RASGRP2: variants seen among roughly 807,000 people sequenced by gnomAD.
RASGRP2 encodes the protein RAS guanyl-releasing protein 2.
Under a neutral mutation model 71.0 loss-of-function variants are expected in RASGRP2, and 44 were observed. That is an observed-to-expected ratio of 0.62 (90% CI 0.49 to 0.80). The LOEUF is 0.80. Ranked by LOEUF, RASGRP2 falls within the 30% of genes least tolerant of loss-of-function variation. RASGRP2 has a pLI of 0.00. For synonymous variants in RASGRP2, 350 were observed against 330.7 expected (o/e 1.06, Z -0.63); for missense variants, 663 against 813.4 (o/e 0.82, Z 2.25).
At chr11:64,729,116 GC>G in intron 14 of RASGRP2, 74 bp from the exon 15 acceptor site, 3 of 1,427,364 alleles carry the variant, frequency 2.1e-6, no homozygotes, top group Non-Finnish European at 1.9e-6. Flanking sequence ...GCAGGCTTGT[GC>G]CCCCCTACCA....
chr11:64,734,797 T>C (rs1434072718), intron 12 of RASGRP2, among the ~76,000 whole-genome samples: 1 of 152,142 alleles, frequency 6.6e-6, no homozygotes, highest in African/African-American at 2.4e-5. Flanking sequence ...ATCCAGGAGC[T>C]CAAGTTGCCC....
At position 64,742,916 on chromosome 11, in the gene RASGRP2, C is replaced by T; in HGVS notation, c.-50G>A. The T allele has an allele frequency of 1.9e-6, 3 of 1,544,564 alleles. No homozygotes were observed. Among genetic ancestry groups the T allele is most frequent in the Middle Eastern group, 1.9e-4 (1 of 5,282 alleles). On this transcript the variant is annotated 5_prime_UTR_variant, in exon 2 of 17. Transcript: ENST00000394432. This position sits in a 1 kb window ranked among gnomAD's most constrained non-coding sequence, Gnocchi z 4.7. ...GCCCAGGCTGCGCTCCGGGAGCCTC[C>T]CACCGGGCTCGGACCGAACCCCTGT...
At chr11:64,741,188 A>G (rs1421576187) in intron 4 of RASGRP2, 109 bp from the exon 5 acceptor site, 2 of 1,390,980 alleles carry the variant, frequency 1.4e-6, no homozygotes, top group Non-Finnish European at 2.0e-6. Context: ...CCCTCAAACT[A>G]TGGTTCCAGC....
rs2135781012 is a variant in RASGRP2, at chr11:64,739,588, A to C, written c.696+48T>G. On this transcript the variant is annotated intron_variant, in intron 7 of 16. Coordinates refer to ENST00000394432, the MANE Select transcript of RASGRP2 (RefSeq NM_001098671.2). The surrounding 1 kb of genome is among the most constrained non-coding windows in gnomAD (Gnocchi z 4.2). ...TTAGGGGAAGGGAAGGGTTGGCCTGACTGGCATGTGGGGTGGTTGGGAGAC... is the reference window on the plus strand; with the variant it reads ...TTAGGGGAAGGGAAGGGTTGGCCTGCCTGGCATGTGGGGTGGTTGGGAGAC... The C allele has an allele frequency of 3.7e-6, 6 of 1,612,882 alleles. No homozygotes were observed. The highest frequency in any genetic ancestry group is 5.1e-6 in the Non-Finnish European group (6 of 1,179,074).
chr11:64,729,347 T>TA (rs1470900668), intron 14 of RASGRP2, among the ~76,000 whole-genome samples: 3 of 150,408 alleles, frequency 2.0e-5, no homozygotes, highest in African/African-American at 7.4e-5. Context: ...TTTTGTTGTT[T>TA]TTTTTTTTGA....
chr11:64,739,410 T>C lies in RASGRP2; in HGVS notation c.763A>G (p.Ile255Val), dbSNP rs1479188900. Residue 255 changes from isoleucine (I) to valine (V), a missense_variant, in exon 8 of 17, where the codon ATC (isoleucine) becomes GTC (valine). Coordinates refer to ENST00000394432, the MANE Select transcript of RASGRP2 (RefSeq NM_001098671.2). The surrounding 1 kb of genome is among the most constrained non-coding windows in gnomAD (Gnocchi z 4.2). Reference sequence around the variant, plus strand: ...CTGTGGGTCTCCTTGAGGCGGGAGATGGAGCTGTGGCTCAGGCCCCCGACC... The same window carrying C: ...CTGTGGGTCTCCTTGAGGCGGGAGACGGAGCTGTGGCTCAGGCCCCCGACC... ...AVVGGLSHSS[I>V]SRLKETHSHV... 1 of 1,614,128 alleles carries C rather than the reference T, an allele frequency of 6.2e-7. No homozygotes were observed. The highest frequency in any genetic ancestry group is 1.3e-5 in the African/African-American group (1 of 75,022).
rs1190492103 is a variant in RASGRP2, at chr11:64,739,283, C to T, written c.813+77G>A. ...TATCTATCAAATGAGGACAGCTGTG[C>T]CCAGCCCCCAGTGCTGCTGGGAGGA... On this transcript the variant is annotated intron_variant, in intron 8 of 16. Transcript: ENST00000394432. This position sits in a 1 kb window ranked among gnomAD's most constrained non-coding sequence, Gnocchi z 4.2. The T allele has an allele frequency of 5.3e-6, 6 of 1,127,720 alleles. No homozygotes were observed. The highest frequency in any genetic ancestry group is 2.3e-5 in the East Asian group (1 of 42,598). 69.9% of individuals were successfully genotyped at this position (1,127,720 alleles called of 1,614,324 possible).
Position 64,735,284 on chromosome 11 carries a change from A to G in RASGRP2, c.1297-57T>C. 7.0e-7 allele frequency: 1 copy of G among 1,430,952 alleles called. No homozygotes were observed. Among genetic ancestry groups the G allele is most frequent in the Non-Finnish European group, 9.8e-7 (1 of 1,015,512 alleles). The allele number at this position is 1,430,952 out of a possible 1,614,324, so 88.6% of individuals were successfully genotyped here. ...AAGAGGGGAGAGTAAAGGGGACATC[A>G]GGTCCTGTCCCTTCCCACGTTCCCA... On this transcript the variant is annotated intron_variant, in intron 11 of 16. Transcript: ENST00000394432. The surrounding 1 kb of genome is among the most constrained non-coding windows in gnomAD (Gnocchi z 4.2).
Position 64,736,778 on chromosome 11 carries a change from T to C in RASGRP2, c.1070A>G (p.Asn357Ser). 3 of 1,599,136 alleles carry C rather than the reference T, an allele frequency of 1.9e-6. No homozygotes were observed. The highest frequency in any genetic ancestry group is 2.6e-6 in the Non-Finnish European group (3 of 1,173,658). ...CGTGAGCAGGCTCAGCAGGTCGGGG[T>C]TGGCCTGTACTGGTGGCCGCAGGCT... ...VTSLRPPVQA[N>S]PDLLSLLTVS... Residue 357 changes from asparagine (N) to serine (S), a missense_variant, in exon 9 of 17, where the codon AAC becomes AGC. Transcript: ENST00000394432.
chr11:64,735,690 AG>A lies in RASGRP2; in HGVS notation c.1174-27del. The A allele has an allele frequency of 6.3e-7, 1 of 1,598,704 alleles. No homozygotes were observed. ...CTATGGAAATGGTCGGGCCTGAGCT[AG>A]GGCCAGAGGCAGGGGAAGCCCAGAG... On this transcript the variant is annotated intron_variant, in intron 10 of 16. Transcript: ENST00000394432. This position sits in a 1 kb window ranked among gnomAD's most constrained non-coding sequence, Gnocchi z 4.2.
At chr11:64,737,864 G>T (rs565825456) in intron 8 of RASGRP2, among the ~76,000 whole-genome samples, 1 of 151,556 alleles carries the variant, frequency 6.6e-6, no homozygotes, top group Admixed American at 6.6e-5. Flanking sequence ...GACCAGCCTC[G>T]GCAACATGGT....
At chr11:64,737,197 T>G in intron 8 of RASGRP2, 163 bp from the exon 9 acceptor site, 1 of 794,566 alleles carries the variant, frequency 1.3e-6, no homozygotes, top group Admixed American at 2.3e-5. Flanking sequence ...CCCTGGGGAT[T>G]GAATTCATTG....
upstream of RASGRP2, chr11:64,745,083 G>C (rs1172675959): frequency 1.3e-5 from 2 of 151,716 alleles, no homozygotes; most frequent in Non-Finnish European, 2.9e-5. Context: ...GCGGGCGACC[G>C]GAGGCCCCGC....
At chr11:64,733,159 A>G (rs1198894176) in intron 12 of RASGRP2, among the ~76,000 whole-genome samples, 1 of 152,080 alleles carries the variant, frequency 6.6e-6, no homozygotes. Context: ...AAAAGAAAAA[A>G]GAAAAAAGAG....
At chr11:64,737,874 T>G (rs937885013) in intron 8 of RASGRP2, among the ~76,000 whole-genome samples, 2 of 151,054 alleles carry the variant, frequency 1.3e-5, no homozygotes, top group African/African-American at 2.4e-5. Flanking sequence ...GGCAACATGG[T>G]GAAAGCCTGT....
In RASGRP2 at chr11:64,742,209, TGCAC is replaced by T; in HGVS notation, c.74-101_74-98del. On this transcript the variant is annotated intron_variant, in intron 2 of 16. Coordinates refer to ENST00000394432, the MANE Select transcript of RASGRP2 (RefSeq NM_001098671.2). This position sits in a 1 kb window ranked among gnomAD's most constrained non-coding sequence, Gnocchi z 4.7. ...ACCCGCCAGGTATCGGTCCTTCGGG[TGCAC>T]GCTCGACCCCGCCCACCTCCTGCTT... The T allele has an allele frequency of 1.1e-6, 1 of 946,498 alleles. No homozygotes were observed. The highest frequency in any genetic ancestry group is 1.7e-6 in the Non-Finnish European group (1 of 596,754). 58.6% of individuals were successfully genotyped at this position (946,498 alleles called of 1,614,324 possible). A position where few individuals can be genotyped will look rare whatever the true frequency, so the allele number is the denominator to read the frequency against.
In RASGRP2 at chr11:64,743,691, G is replaced by A; in HGVS notation, c.-72+312C>T. On this transcript the variant is annotated intron_variant, in intron 1 of 16. Transcript: ENST00000394432. This position sits in a 1 kb window ranked among gnomAD's most constrained non-coding sequence, Gnocchi z 4.9. The stretch of plus-strand genomic sequence containing the variant: ...TCCCCGGCTCCTGACCCTGGCCCCG[G>A]CCCCGCACAGGCGAACTGTGAGCGC... 2.6e-6 allele frequency: 1 copy of A among 382,058 alleles called. No homozygotes were observed. Among genetic ancestry groups the A allele is most frequent in the Admixed American group, 3.5e-5 (1 of 28,398 alleles). The allele number at this position is 382,058 out of a possible 1,614,324, so 23.7% of individuals were successfully genotyped here.
chr11:64,741,122 A>G (rs1271779399), intron 4 of RASGRP2, 43 bp from the exon 5 acceptor site: 2 of 1,605,368 alleles, frequency 1.2e-6, no homozygotes, highest in Non-Finnish European at 1.7e-6. Context: ...TTCCCCCACC[A>G]TCACCCAGCA....
chr11:64,735,592 G>A lies in RASGRP2; in HGVS notation c.1246C>T (p.Pro416Ser), dbSNP rs147974963. The A allele has an allele frequency of 1.9e-6, 3 of 1,614,016 alleles. No homozygotes were observed. In the African/African-American group the frequency reaches 4.0e-5, roughly 22 times the overall value. The part of the protein sequence containing the change: ...VLEEWTSAAK[P>S]KLDQALVVEH... ...ACCACGAGGGCCTGATCCAGCTTGG[G>A]TTTGGCAGCCGAGGTCCACTCCTCC... The change falls in exon 11 of 17, where the codon CCC (proline) becomes TCC (serine). Residue 416 changes from proline (P) to serine (S), a missense_variant. Pro to Ser is a moderately conservative substitution (Grantham distance 74). Coordinates refer to ENST00000394432, the MANE Select transcript of RASGRP2 (RefSeq NM_001098671.2). This position sits in a 1 kb window ranked among gnomAD's most constrained non-coding sequence, Gnocchi z 4.2.
Sources: allele counts gnomAD v4.1 joint callset (sites outside exome capture counted in the v4.1 genomes callset), GRCh38; gene constraint gnomAD v4.1.1; non-coding constraint Gnocchi (gnomAD v3.1); transcripts MANE v1.5; gene names NCBI Gene and HGNC (gene_info 2026-07-23, HGNC 2026-07-21).